Variants in RAB11FIP4 observed in about 807,000 individuals in gnomAD.
RAB11FIP4 encodes the protein rab11 family-interacting protein 4.
A neutral mutation model predicts 74.3 loss-of-function variants in RAB11FIP4; 23 were observed. The observed-to-expected ratio is 0.31, with a 90% CI of 0.22 to 0.44. The LOEUF is 0.44. RAB11FIP4 is among the 20% of genes least tolerant of loss of function. RAB11FIP4 has a pLI of 1.00. For missense variants in RAB11FIP4, 630 were observed against 863.9 expected (o/e 0.73, Z 3.39); for synonymous variants, 360 against 359.9 (o/e 1.00, Z 0.00).
intron 1 of RAB11FIP4, among the ~76,000 whole-genome samples, chr17:31,419,279 GT>G (rs900809149): frequency 8.4e-5 from 12 of 143,626 alleles, no homozygotes; most frequent in African/African-American, 2.7e-4. Flanking sequence ...TTTGTTGAGA[GT>G]TTTTTTGTTT....
At chr17:31,473,813 G>A (rs1022150565) in intron 3 of RAB11FIP4, among the ~76,000 whole-genome samples, 1 of 152,166 alleles carries the variant, frequency 6.6e-6, no homozygotes, top group Non-Finnish European at 1.5e-5. Context: ...GCTGCCCACT[G>A]GATAGTCAGT....
At chr17:31,440,127 A>G (rs907726079) in intron 3 of RAB11FIP4, among the ~76,000 whole-genome samples, 6 of 152,148 alleles carry the variant, frequency 3.9e-5, no homozygotes, top group African/African-American at 1.4e-4. Flanking sequence ...TCTCCTATAT[A>G]TAGTTTTCAG....
intron 3 of RAB11FIP4, among the ~76,000 whole-genome samples, chr17:31,485,185 A>G (rs951053637): frequency 2.6e-5 from 4 of 152,194 alleles, no homozygotes; most frequent in African/African-American, 9.6e-5. Context: ...GCTCCAAAAC[A>G]TTGACTTCCC....
intron 13 of RAB11FIP4, among the ~76,000 whole-genome samples, chr17:31,529,325 G>A (rs2072827046): frequency 6.6e-6 from 1 of 152,102 alleles, no homozygotes; most frequent in South Asian, 2.1e-4. Flanking sequence ...GGGCAGTGGT[G>A]TGATCACAGT....
At chr17:31,433,294 C>T (rs545517021) in intron 2 of RAB11FIP4, among the ~76,000 whole-genome samples, 51 of 152,320 alleles carry the variant, frequency 3.3e-4, no homozygotes, top group African/African-American at 1.1e-3. Context: ...TTCCTGTCTG[C>T]GGCTCAGATC....
chr17:31,521,907 T>C lies in RAB11FIP4; in HGVS notation c.759-8T>C. The C allele has an allele frequency of 1.9e-6, 3 of 1,614,064 alleles. No homozygotes were observed. Among genetic ancestry groups the C allele is most frequent in the Non-Finnish European group, 2.5e-6 (3 of 1,179,954 alleles). On this transcript the variant is annotated splice_polypyrimidine_tract_variant and splice_region_variant and intron_variant, in intron 5 of 14. Transcript: ENST00000621161. ...TTAAGGTGGTGATTCCTTTCCCTCA[T>C]GAATCAGTGCGGGGCAGACGCCTAG...
intron 13 of RAB11FIP4, 144 bp downstream of exon 13, chr17:31,528,922 A>T: frequency 1.1e-6 from 1 of 909,368 alleles, no homozygotes; most frequent in South Asian, 1.7e-5. Flanking sequence ...GCCAGGGCTG[A>T]CTGCCCCATT....
At chr17:31,521,885 A>C in intron 5 of RAB11FIP4, 30 bp from the exon 6 acceptor site, 1 of 1,613,700 alleles carries the variant, frequency 6.2e-7, no homozygotes, top group South Asian at 1.1e-5. Flanking sequence ...ACAGCAGTTA[A>C]GGTGGTGATT....
At chr17:31,404,662 A>G (rs942259621) in intron 1 of RAB11FIP4, among the ~76,000 whole-genome samples, 4 of 152,112 alleles carry the variant, frequency 2.6e-5, no homozygotes, top group African/African-American at 9.7e-5. Flanking sequence ...TTGAGGTCAG[A>G]TTCTGTGTCA....
At chr17:31,530,846 G>A (rs1318555836) in intron 14 of RAB11FIP4, 7 of 198,254 alleles carry the variant, frequency 3.5e-5, no homozygotes, top group Admixed American at 3.2e-4. Flanking sequence ...TGCTTCTGCG[G>A]TGTGTTTTCA....
intron 1 of RAB11FIP4, among the ~76,000 whole-genome samples, chr17:31,409,463 C>T (rs936439011): frequency 6.6e-6 from 1 of 152,146 alleles, no homozygotes; most frequent in African/African-American, 2.4e-5. Context: ...GGTGCCCATC[C>T]TCAGCGGCAG....
chr17:31,523,887 C>A lies in RAB11FIP4; in HGVS notation c.1030-6C>A. ...TTCTCCACCCCACCCCGGCCCCCTG[C>A]TGCAGGTAAGCTTCCTGGAAAAGAA... On this transcript the variant is annotated splice_region_variant and splice_polypyrimidine_tract_variant and intron_variant, in intron 8 of 14. Transcript: ENST00000621161. 6.2e-7 allele frequency: 1 copy of A among 1,605,762 alleles called. No individual in the cohort carries two copies. Among genetic ancestry groups the A allele is most frequent in the Non-Finnish European group, 8.5e-7 (1 of 1,175,880 alleles).
At chr17:31,510,646 G>A (rs1305859427) in intron 3 of RAB11FIP4, among the ~76,000 whole-genome samples, 1 of 152,174 alleles carries the variant, frequency 6.6e-6, no homozygotes, top group African/African-American at 2.4e-5. Context: ...TTCCATAAGA[G>A]TGGGCAGGAG....
At position 31,391,919 on chromosome 17, in the gene RAB11FIP4, G is replaced by C; in HGVS notation, c.67G>C (p.Glu23Gln). 2.2e-6 allele frequency: 3 copies of C among 1,356,846 alleles called. No individual in the cohort carries two copies. Among genetic ancestry groups the C allele is most frequent in the Non-Finnish European group, 2.9e-6 (3 of 1,050,850 alleles). The allele number at this position is 1,356,846 out of a possible 1,614,324, so 84.1% of individuals were successfully genotyped here. ...GCTGCGCTCCGTGCGCCGCCTGCGC[G>C]AGGTGTTCGAGGTGTGCGGCCGCGA... ...ALLRSVRRLR[E>Q]VFEVCGRDPD... The change falls in exon 1 of 15, where the codon GAG becomes CAG. Residue 23 changes from glutamate (E) to glutamine (Q), a missense_variant. Coordinates refer to ENST00000621161, the MANE Select transcript of RAB11FIP4 (RefSeq NM_032932.6).
At chr17:31,411,734 G>A (rs1451121771) in intron 1 of RAB11FIP4, among the ~76,000 whole-genome samples, 2 of 152,236 alleles carry the variant, frequency 1.3e-5, no homozygotes, top group Non-Finnish European at 2.9e-5. Context: ...TACAAAATGA[G>A]TAGACTCAAG....
At position 31,396,131 on chromosome 17, in the gene RAB11FIP4, C is replaced by T. The variant is rs939342036; in HGVS notation, c.159+4120C>T. Reference sequence around the variant, plus strand: ...CCTGGGAGGCGGAGGTTGCAGTGAGCTGAGATTACATCGCTGCACTCTAGC... The same window carrying T: ...CCTGGGAGGCGGAGGTTGCAGTGAGTTGAGATTACATCGCTGCACTCTAGC... On this transcript the variant is annotated intron_variant, in intron 1 of 14. Coordinates refer to ENST00000621161, the MANE Select transcript of RAB11FIP4 (RefSeq NM_032932.6). Among the ~76,000 whole-genome samples, 14 of 150,194 alleles carry T rather than the reference C, an allele frequency of 9.3e-5. No homozygotes were observed. In the Middle Eastern group the frequency reaches 0.01, roughly 110 times the overall value.
At chr17:31,435,251 G>A (rs913642039) in intron 3 of RAB11FIP4, among the ~76,000 whole-genome samples, 14 of 152,198 alleles carry the variant, frequency 9.2e-5, no homozygotes, top group African/African-American at 2.7e-4. Flanking sequence ...GAGGTTGGGG[G>A]TAGGTGGGAA....
intron 1 of RAB11FIP4, among the ~76,000 whole-genome samples, chr17:31,412,397 G>A (rs1407605059): frequency 6.6e-6 from 1 of 152,210 alleles, no homozygotes; most frequent in African/African-American, 2.4e-5. Flanking sequence ...CTTTAGTCCA[G>A]GAAAGCCTCC....
intron 3 of RAB11FIP4, among the ~76,000 whole-genome samples, chr17:31,516,727 C>G (rs888234324): frequency 6.6e-6 from 1 of 152,180 alleles, no homozygotes; most frequent in East Asian, 1.9e-4. Flanking sequence ...CTTGGCCTCC[C>G]AAGTGCTGGG....
Sources: gnomAD v4.1 joint callset for allele counts (sites outside exome capture counted in the v4.1 genomes callset) on GRCh38, gnomAD v4.1.1 for gene constraint, MANE v1.5 for transcripts, NCBI Gene and HGNC (gene_info 2026-07-23, HGNC 2026-07-21) for gene names.